The following MEN1 variants were observed in gnomAD, a reference collection of about 807,000 sequenced individuals.
The protein encoded by MEN1 is menin.
In MEN1, 6 loss-of-function variants were observed where a neutral mutation model predicts 58.0. That is an observed-to-expected ratio of 0.10 (90% confidence interval 0.06 to 0.20). The LOEUF is 0.20. Ranked by LOEUF, MEN1 falls within the 10% of genes least tolerant of loss-of-function variation. MEN1 has a pLI of 1.00. For synonymous variants in MEN1, 346 were observed against 350.7 expected, an observed-to-expected ratio of 0.99 and a Z score of 0.15; for missense variants, 492 against 818.5, an observed-to-expected ratio of 0.60 and a Z score of 4.87.
rs1161196544 is a variant in MEN1 at position 64,804,203 on chromosome 11, G to C, written c.*131C>G. 1 of 1,211,362 alleles carries C rather than the reference G, an allele frequency of 8.3e-7. No homozygotes were observed. Among genetic ancestry groups the C allele is most frequent in the African/African-American group, 1.5e-5 (1 of 67,020 alleles). 75.0% of individuals were successfully genotyped at this position (1,211,362 alleles called of 1,614,324 possible). On this transcript the variant is annotated 3_prime_UTR_variant, in exon 10 of 10. Transcript: ENST00000450708. This position sits in a 1 kb window ranked among gnomAD's most constrained non-coding sequence, Gnocchi z 4.2. ...GTGGGTTTGATACAGACTGTACTCG[G>C]GACCGGGAACCTAGGGTTTGGGTAG...
At chr11:64,808,756 T>C (rs550561329) in intron 2 of MEN1, among the ~76,000 whole-genome samples, 17 of 151,086 alleles carry the variant, frequency 1.1e-4, no homozygotes, top group Middle Eastern at 3.4e-3. Context: ...CCATCCTGGC[T>C]AACATGGTGA....
Position 64,804,570 on chromosome 11 carries a change from T to C in MEN1, c.1597A>G (p.Ser533Gly). ...AGTARGPEGGSTAQVPAPTAS... is the reference protein window; with the variant it reads ...AGTARGPEGGGTAQVPAPTAS... ...GTGGGTGCTGGCACCTGAGCCGTGC[T>C]GCCACCTTCAGGGCCTCGGGCTGTG... Residue 533 changes from serine to glycine, a missense_variant, in exon 10 of 10, where the codon AGC becomes GGC. Around this residue, in one of 5 missense-constraint regions of MEN1, gnomAD observed 79 missense variants for 82.5 expected, o/e 0.96. Transcript: ENST00000450708. The surrounding 1 kb of genome is among the most constrained non-coding windows in gnomAD (Gnocchi z 4.2). 6.2e-7 allele frequency: 1 copy of C among 1,613,242 alleles called. No individual in the cohort carries two copies. The highest frequency in any genetic ancestry group is 1.7e-4 in the Middle Eastern group (1 of 6,060).
At chr11:64,810,745 C>T (rs1223129193), upstream of MEN1, 1 of 152,458 alleles carries the variant, frequency 6.6e-6, no homozygotes, top group African/African-American at 2.4e-5. Context: ...GGGATTGGCC[C>T]TTCCCTTCAG....
chr11:64,806,078 C>T, intron 7 of MEN1, 154 bp downstream of exon 7: 3 of 967,392 alleles, frequency 3.1e-6, no homozygotes, highest in Non-Finnish European at 4.7e-6. Context: ...AATCAGGGTC[C>T]CTACCTCCTG....
Position 64,803,852 on chromosome 11 carries a change from A to T in MEN1, c.*482T>A. ...AAGTTATTTGGGGCAGGGAGCTTGG[A>T]TTCGCAAGATATGGAATTCTGAAGT... On this transcript the variant is annotated 3_prime_UTR_variant, in exon 10 of 10. Transcript: ENST00000450708. The T allele has an allele frequency of 8.1e-6, 2 of 247,380 alleles. No individual in the cohort carries two copies. Among genetic ancestry groups the T allele is most frequent in the Non-Finnish European group, 1.6e-5 (2 of 124,848 alleles). 15.3% of individuals were successfully genotyped at this position (247,380 alleles called of 1,614,324 possible). A position where few individuals can be genotyped will look rare whatever the true frequency, so the allele number is the denominator to read the frequency against.
chr11:64,803,760 T>G lies in MEN1; in HGVS notation c.*574A>C, dbSNP rs1592626486. On this transcript the variant is annotated 3_prime_UTR_variant, in exon 10 of 10. Coordinates refer to ENST00000450708, the MANE Select transcript of MEN1 (RefSeq NM_001370259.2). The stretch of plus-strand genomic sequence containing the variant: ...GGATGCTCATAGGCTGGGGGCGGAG[T>G]TTTGTGTCCCAGACTCGGGATACGA... 4.3e-6 allele frequency: 1 copy of G among 234,990 alleles called. No homozygotes were observed. The highest frequency in any genetic ancestry group is 8.4e-6 in the Non-Finnish European group (1 of 119,242). 14.6% of individuals were successfully genotyped at this position (234,990 alleles called of 1,614,324 possible). A position where few individuals can be genotyped will look rare whatever the true frequency, so the allele number is the denominator to read the frequency against.
In MEN1 at chr11:64,809,074, C is replaced by A. The variant is rs567605481; in HGVS notation, c.445+591G>T. Reference sequence around the variant, plus strand: ...CCCAAGAGTTCAAGACCAGTCTGGGCCACATAGTGAGACACCATCTCTACA... The same window carrying A: ...CCCAAGAGTTCAAGACCAGTCTGGGACACATAGTGAGACACCATCTCTACA... On this transcript the variant is annotated intron_variant, in intron 2 of 9. Coordinates refer to ENST00000450708, the MANE Select transcript of MEN1 (RefSeq NM_001370259.2). 2.0e-5 allele frequency among the ~76,000 whole-genome samples: 3 copies of A among 151,650 alleles called. No individual in the cohort carries two copies. In the South Asian group the frequency reaches 6.2e-4, roughly 32 times the overall value.
chr11:64,806,713 TTCA>T (rs2307769), intron 6 of MEN1, among the ~76,000 whole-genome samples: 133,399 of 151,962 alleles, frequency 0.88, 60,389 homozygotes, highest in Non-Finnish European at 1. Flanking sequence ...ACACCCCCTC[TTCA>T]TCAGTGCTCC....
chr11:64,804,036 T>G lies in MEN1; in HGVS notation c.*298A>C. On this transcript the variant is annotated 3_prime_UTR_variant, in exon 10 of 10. Transcript: ENST00000450708. The surrounding 1 kb of genome is among the most constrained non-coding windows in gnomAD (Gnocchi z 4.2). ...TAGGTGAGCGGTTCCGAGGAGGAGC[T>G]TGGGTTTCTAGGGGCTGGGCCTTTA... 1 of 475,768 alleles carries G rather than the reference T, an allele frequency of 2.1e-6. No homozygotes were observed. Among genetic ancestry groups the G allele is most frequent in the Non-Finnish European group, 3.9e-6 (1 of 259,346 alleles). 29.5% of individuals were successfully genotyped at this position (475,768 alleles called of 1,614,324 possible). A position where few individuals can be genotyped will look rare whatever the true frequency, so the allele number is the denominator to read the frequency against.
chr11:64,810,172 G>T, intron 1 of MEN1, 40 bp from the exon 2 acceptor site: 1 of 1,238,794 alleles, frequency 8.1e-7, no homozygotes, highest in South Asian at 1.4e-5. Context: ...GGGCAGGTTC[G>T]GCCGGGGAGC....
In MEN1 at chr11:64,805,805, G is replaced by GGGGGTCTCC. The variant is rs1248186219; in HGVS notation, c.1050-36_1050-35insGGAGACCCC. 7.3e-5 allele frequency: 118 copies of GGGGGTCTCC among 1,613,572 alleles called. 2 individuals carry two copies. The Admixed American group carries it at 1.9e-3, about 26-fold the overall frequency. On this transcript the variant is annotated intron_variant, in intron 7 of 9. Transcript: ENST00000450708. ...CAGTGGGGTCTCTGTAGGGTCTGAA[G>GGGGGTCTCC]GGGTCTCACCATCGGGGGTAGCCCC...
In MEN1 at chr11:64,804,866, T is replaced by G. The variant is rs758331652; in HGVS notation, c.1351-50A>C. ...GAGAGCAAGGTTGCCGGCCAGTGGCTGGAACTCCAGGACCCTGCTCTGGCC... is the reference window on the plus strand; with the variant it reads ...GAGAGCAAGGTTGCCGGCCAGTGGCGGGAACTCCAGGACCCTGCTCTGGCC... On this transcript the variant is annotated intron_variant, in intron 9 of 9. Coordinates refer to ENST00000450708, the MANE Select transcript of MEN1 (RefSeq NM_001370259.2). This position sits in a 1 kb window ranked among gnomAD's most constrained non-coding sequence, Gnocchi z 4.2. 2.5e-6 allele frequency: 4 copies of G among 1,595,120 alleles called. No homozygotes were observed. Among genetic ancestry groups the G allele is most frequent in the Non-Finnish European group, 3.4e-6 (4 of 1,177,854 alleles).
chr11:64,806,409 C>G, intron 6 of MEN1, 41 bp from the exon 7 acceptor site: 2 of 1,613,050 alleles, frequency 1.2e-6, no homozygotes. Context: ...GGAGGCAGCC[C>G]CAGCTGCCCT....
rs1114167482 is a variant in MEN1, at chr11:64,806,259, C to T, written c.1022G>A (p.Trp341Ter). Reference protein sequence around the residue: ...NRNVREALQAWADTATVIQDY... With the variant: ...NRNVREALQA ...CTGGATGACAGTGGCCGTGTCCGCC[C>T]AGGCCTGCAGGGCTTCCCGCACATT... Residue 341 changes from tryptophan to a stop codon, truncating the protein, a stop_gained, in exon 7 of 10, where the codon TGG (tryptophan) becomes TAG (stop). Transcript: ENST00000450708. LOFTEE classifies it high-confidence loss of function. 1 of 1,614,200 alleles carries T rather than the reference C, an allele frequency of 6.2e-7. No individual in the cohort carries two copies. The highest frequency in any genetic ancestry group is 8.5e-7 in the Non-Finnish European group (1 of 1,180,010).
chr11:64,810,363 CGCCCCAA>C, intron 1 of MEN1, 144 bp downstream of exon 1: 1 of 555,412 alleles, frequency 1.8e-6, no homozygotes. Flanking sequence ...CGATGGGGTG[CGCCCCAA>C]GCACCCCAAT....
At position 64,809,885 on chromosome 11, in the gene MEN1, G is replaced by A. The variant is rs1333791405; in HGVS notation, c.225C>T (p.Leu75=). 1 of 1,599,938 alleles carries A rather than the reference G, an allele frequency of 6.3e-7. No individual in the cohort carries two copies. The highest frequency in any genetic ancestry group is 8.5e-7 in the Non-Finnish European group (1 of 1,173,164). The change falls in exon 2 of 10, where the codon CTC becomes CTT. Residue 75 remains leucine, a synonymous_variant. Transcript: ENST00000450708. Reference sequence around the variant, plus strand: ...ACAGGTCGGCCACGGGAAAGTAGGTGAGGCCGCCAGGCGGGTCGGGGGCGG... The same window carrying A: ...ACAGGTCGGCCACGGGAAAGTAGGTAAGGCCGCCAGGCGGGTCGGGGGCGG... ...PSPAPDPPGG[L]TYFPVADLSI...
chr11:64,808,135 G>T, intron 2 of MEN1, 36 bp from the exon 3 acceptor site: 2 of 1,560,078 alleles, frequency 1.3e-6, no homozygotes, highest in Non-Finnish European at 8.7e-7. Context: ...AGGGTCCTCT[G>T]TGCTTTAACA....
Position 64,807,358 on chromosome 11 carries a change from T to A in MEN1, c.784-139A>T. 1 of 1,143,080 alleles carries A rather than the reference T, an allele frequency of 8.7e-7. No homozygotes were observed. Among genetic ancestry groups the A allele is most frequent in the Non-Finnish European group, 1.3e-6 (1 of 785,998 alleles). 70.8% of individuals were successfully genotyped at this position (1,143,080 alleles called of 1,614,324 possible). A position where few individuals can be genotyped will look rare whatever the true frequency, so the allele number is the denominator to read the frequency against. On this transcript the variant is annotated intron_variant, in intron 4 of 9. Transcript: ENST00000450708. The surrounding 1 kb of genome is among the most constrained non-coding windows in gnomAD (Gnocchi z 4.9). The stretch of plus-strand genomic sequence containing the variant: ...GGCCAAAATTCTGGGACCAGCCCTT[T>A]AATGGAGTCAAAGCAATTTCACATC...
chr11:64,805,794 T>C (rs779213774), intron 7 of MEN1, 24 bp from the exon 8 acceptor site: 46 of 1,613,586 alleles, frequency 2.9e-5, no homozygotes, highest in Non-Finnish European at 3.9e-5. Flanking sequence ...GGGGTCTCTG[T>C]AGGGTCTGAA....
Sources: gnomAD v4.1 joint callset for allele counts (sites outside exome capture counted in the v4.1 genomes callset) on GRCh38, gnomAD v4.1.1 for gene constraint, gnomAD v4.1.1 regional missense constraint, Gnocchi (gnomAD v3.1) non-coding constraint, MANE v1.5 for transcripts, NCBI Gene and HGNC (gene_info 2026-07-23, HGNC 2026-07-21) for gene names.